PTPRN2: variants seen among roughly 807,000 people sequenced by gnomAD.
PTPRN2 encodes the protein protein tyrosine phosphatase receptor type N2.
In PTPRN2, 74 loss-of-function variants were observed where a neutral mutation model predicts 118.8. That is an observed-to-expected ratio of 0.62 (90% CI 0.52 to 0.76). The LOEUF is 0.76. Among genes scored for constraint, PTPRN2 ranks in the 30% least tolerant of loss-of-function variants. The probability of loss-of-function intolerance (pLI) is 0.00; values close to 1 mark genes in which losing one functional copy is unlikely to be tolerated. For missense variants in PTPRN2, 1,481 were observed against 1,394.4 expected (o/e 1.06, Z -0.99); for synonymous variants, 641 against 608.0 (o/e 1.05, Z -0.80).
At chr7:157,571,120 G>A (rs1199951464) in intron 20 of PTPRN2, among the ~76,000 whole-genome samples, 6 of 148,500 alleles carry the variant, frequency 4.0e-5, no homozygotes, top group African/African-American at 7.5e-5. Flanking sequence ...GGTGGCGGGC[G>A]CAATCGCTTG....
At chr7:158,229,870 T>C (rs1235092846) in intron 3 of PTPRN2, among the ~76,000 whole-genome samples, 1 of 151,962 alleles carries the variant, frequency 6.6e-6, no homozygotes, top group Non-Finnish European at 1.5e-5. Flanking sequence ...GAGAAAGACA[T>C]AAACATCTAG....
intron 3 of PTPRN2, among the ~76,000 whole-genome samples, chr7:158,297,942 T>C (rs1017457476): frequency 6.6e-6 from 1 of 152,238 alleles, no homozygotes; most frequent in Non-Finnish European, 1.5e-5. Context: ...TAACTCAAGT[T>C]TTCTTTACTT....
intron 11 of PTPRN2, among the ~76,000 whole-genome samples, chr7:157,905,969 C>T (rs553952048): frequency 2.6e-5 from 4 of 152,292 alleles, no homozygotes; most frequent in African/African-American, 4.8e-5. Flanking sequence ...TCACAGCCAC[C>T]GTAAACAAGC....
chr7:157,933,741 T>C (rs1211939155), intron 11 of PTPRN2, among the ~76,000 whole-genome samples: 1 of 142,196 alleles, frequency 7.0e-6, no homozygotes, highest in Non-Finnish European at 1.6e-5. Flanking sequence ...TGATTGACAG[T>C]TTTAGAGGAG....
At chr7:158,153,791 C>T (rs1821429377) in intron 6 of PTPRN2, among the ~76,000 whole-genome samples, 2 of 151,912 alleles carry the variant, frequency 1.3e-5, no homozygotes, top group Non-Finnish European at 1.5e-5. Context: ...AGGCCTGAGA[C>T]AAGGTCAGAG....
At position 157,990,424 on chromosome 7, in the gene PTPRN2, C is replaced by G. The variant is rs150306999; in HGVS notation, c.1723+90874G>C. Among the ~76,000 whole-genome samples the G allele has an allele frequency of 0.02, 2,998 of 152,274 alleles. 85 individuals are homozygous for G. The highest frequency in any genetic ancestry group is 0.069 in the African/African-American group (2,856 of 41,542). On this transcript the variant is annotated intron_variant, in intron 11 of 22. Transcript: ENST00000389418. The surrounding 1 kb of genome is among the most constrained non-coding windows in gnomAD (Gnocchi z 4.3). ...GTGGCCTCCAGGGGCTCCAAGTCCT[C>G]TGGGATCCAGGTTCTCCTTCCTTCA...
intron 2 of PTPRN2, among the ~76,000 whole-genome samples, chr7:158,461,790 C>T (rs1163888693): frequency 1.3e-5 from 2 of 152,218 alleles, no homozygotes; most frequent in Admixed American, 6.5e-5. Context: ...AGTTTTTCAA[C>T]ATTATAAATA....
chr7:157,729,066 C>A lies in PTPRN2; in HGVS notation c.1789-46129G>T, dbSNP rs1799749545. Among the ~76,000 whole-genome samples, 1 of 152,128 alleles carries A rather than the reference C, an allele frequency of 6.6e-6. No individual in the cohort carries two copies. Among genetic ancestry groups the A allele is most frequent in the Admixed American group, 6.5e-5 (1 of 15,278 alleles). ...CAGACAATGGGAATCTGGGCTGATACCGGGCCTTTGAAAATAGTCGGGGAG... is the reference window on the plus strand; with the variant it reads ...CAGACAATGGGAATCTGGGCTGATAACGGGCCTTTGAAAATAGTCGGGGAG... On this transcript the variant is annotated intron_variant, in intron 12 of 22. Transcript: ENST00000389418. This position sits in a 1 kb window ranked among gnomAD's most constrained non-coding sequence, Gnocchi z 4.3.
chr7:158,467,793 A>C (rs1276199409), intron 2 of PTPRN2, among the ~76,000 whole-genome samples: 1 of 152,056 alleles, frequency 6.6e-6, no homozygotes, highest in Non-Finnish European at 1.5e-5. Flanking sequence ...ATCCTTTTAC[A>C]TGGCGTGTGT....
chr7:157,734,617 C>T (rs1428450985), intron 12 of PTPRN2, among the ~76,000 whole-genome samples: 7 of 152,318 alleles, frequency 4.6e-5, no homozygotes, highest in Middle Eastern at 3.4e-3. Context: ...GTGATTCAGC[C>T]GAGACGCCCC....
chr7:158,423,708 A>C (rs902787926), intron 2 of PTPRN2, among the ~76,000 whole-genome samples: 2 of 150,876 alleles, frequency 1.3e-5, no homozygotes, highest in African/African-American at 4.9e-5. Flanking sequence ...ACGGGGTTTC[A>C]CCACGTTAAC....
At chr7:158,278,669 G>A (rs1799204398) in intron 3 of PTPRN2, among the ~76,000 whole-genome samples, 1 of 147,262 alleles carries the variant, frequency 6.8e-6, no homozygotes, top group Admixed American at 6.7e-5. Context: ...CTCGCGGTGA[G>A]TGTTACAGTT....
intron 16 of PTPRN2, among the ~76,000 whole-genome samples, chr7:157,602,986 C>A (rs1801768931): frequency 6.6e-6 from 1 of 152,234 alleles, no homozygotes; most frequent in Non-Finnish European, 1.5e-5. Context: ...TGTCCTCATC[C>A]TTCCCTGAAG....
chr7:158,283,057 G>A (rs1398790131), intron 3 of PTPRN2, among the ~76,000 whole-genome samples: 1 of 152,258 alleles, frequency 6.6e-6, no homozygotes, highest in African/African-American at 2.4e-5. Context: ...ACATGCAGGG[G>A]CCTCAGCTCT....
chr7:158,410,430 T>C (rs1320035325), intron 2 of PTPRN2, among the ~76,000 whole-genome samples: 1 of 152,008 alleles, frequency 6.6e-6, no homozygotes, highest in African/African-American at 2.4e-5. Context: ...TGGGATGAAG[T>C]GACAGAGTAG....
intron 11 of PTPRN2, among the ~76,000 whole-genome samples, chr7:158,039,349 A>G (rs1174266314): frequency 6.6e-6 from 1 of 152,320 alleles, no homozygotes; most frequent in African/African-American, 2.4e-5. Flanking sequence ...AAAGCTGAGA[A>G]GTCCTCTTGA....
In PTPRN2 at chr7:157,615,342, G is replaced by T. The variant is rs1039191893; in HGVS notation, c.2344+6020C>A. On this transcript the variant is annotated intron_variant, in intron 15 of 22. Transcript: ENST00000389418. The surrounding 1 kb of genome is among the most constrained non-coding windows in gnomAD (Gnocchi z 4.3). ...GGTCTGCGCTGGGGTAGTGTAGGCT[G>T]CACTCTCCGGGGAGCCGCTGACCTT... 1.2e-5 allele frequency: 5 copies of T among 429,624 alleles called. No homozygotes were observed. The highest frequency in any genetic ancestry group is 7.5e-5 in the Admixed American group (3 of 40,168). 26.6% of individuals were successfully genotyped at this position (429,624 alleles called of 1,614,324 possible). A position where few individuals can be genotyped will look rare whatever the true frequency, so the allele number is the denominator to read the frequency against.
intron 11 of PTPRN2, among the ~76,000 whole-genome samples, chr7:158,075,445 C>T (rs1261985161): frequency 3.3e-5 from 5 of 152,080 alleles, no homozygotes; most frequent in African/African-American, 9.7e-5. Flanking sequence ...GTCCAGCCCA[C>T]GTGGCCCTGG....
intron 12 of PTPRN2, among the ~76,000 whole-genome samples, chr7:157,743,441 C>T (rs541649934): frequency 1.2e-4 from 19 of 152,310 alleles, no homozygotes; most frequent in African/African-American, 3.8e-4. Context: ...CACCTGCCAG[C>T]GATACAGGCA....
Sources: allele counts gnomAD v4.1 joint callset (sites outside exome capture counted in the v4.1 genomes callset), GRCh38; gene constraint gnomAD v4.1.1; non-coding constraint Gnocchi (gnomAD v3.1); transcripts MANE v1.5; gene names NCBI Gene and HGNC (gene_info 2026-07-23, HGNC 2026-07-21).